CACYBP: variants seen among roughly 807,000 people sequenced by gnomAD.
CACYBP encodes the protein calcyclin binding protein.
Under a neutral mutation model 29.6 loss-of-function variants are expected in CACYBP, and 11 were observed. The observed-to-expected ratio is 0.37, with a 90% CI of 0.23 to 0.61. The LOEUF is 0.61. Among genes scored for constraint, CACYBP ranks in the 20% least tolerant of loss-of-function variants. CACYBP has a pLI of 0.65. For synonymous variants in CACYBP, 73 were observed against 88.3 expected, an observed-to-expected ratio of 0.83 and a Z score of 0.97; for missense variants, 163 against 260.7, an observed-to-expected ratio of 0.63 and a Z score of 2.58.
chr1:175,004,744 A>G lies in CACYBP; in HGVS notation c.146A>G (p.Gln49Arg), dbSNP rs777086088. 10 of 1,613,834 alleles carry G rather than the reference A, an allele frequency of 6.2e-6. No individual in the cohort carries two copies. In the African/African-American group the frequency reaches 6.7e-5, roughly 11 times the overall value. ...AAGAACAAGATGCAACAGAAATCAC[A>G]GAAGAAAGCAGAACTTCTTGATAAT... Reference protein sequence around the residue: ...EIKNKMQQKSQKKAELLDNEK... With the variant: ...EIKNKMQQKSRKKAELLDNEK... Residue 49 changes from glutamine (Q) to arginine (R), a missense_variant, in exon 2 of 6, where the codon CAG becomes CGG. By Grantham distance (43) the Gln-to-Arg change is conservative. Transcript: ENST00000367679.
At chr1:175,008,444 C>T (rs1208055536) in intron 4 of CACYBP, among the ~76,000 whole-genome samples, 165 bp from the exon 5 acceptor site, 1 of 152,104 alleles carries the variant, frequency 6.6e-6, no homozygotes, top group Non-Finnish European at 1.5e-5. Flanking sequence ...TCTTTTCACA[C>T]CATGAATGTT....
intron 4 of CACYBP, among the ~76,000 whole-genome samples, 177 bp from the exon 5 acceptor site, chr1:175,008,428 TTATG>T (rs1672669711): frequency 1.3e-5 from 2 of 152,212 alleles, no homozygotes; most frequent in Admixed American, 1.3e-4. Context: ...TTTTACTTAT[TTATG>T]GTCTTTTCAC....
At chr1:175,008,947 C>CT (rs1260846580) in intron 5 of CACYBP, 4 of 395,678 alleles carry the variant, frequency 1.0e-5, no homozygotes, top group African/African-American at 2.0e-5. Context: ...CCCAGATACT[C>CT]TGTTTCGGTA....
rs545277968 is a variant in CACYBP, at chr1:175,009,421, G to A, written c.531-502G>A. ...AGCACTTTGGGAGGCTGAGGCGGGCGGATCACCTGAGGTCAGGAGTTTGAG... is the reference window on the plus strand; with the variant it reads ...AGCACTTTGGGAGGCTGAGGCGGGCAGATCACCTGAGGTCAGGAGTTTGAG... On this transcript the variant is annotated intron_variant, in intron 5 of 5. Transcript: ENST00000367679. Among the ~76,000 whole-genome samples the A allele has an allele frequency of 1.1e-4, 17 of 151,972 alleles. No individual in the cohort carries two copies. The South Asian group carries it at 1.5e-3, about 13-fold the overall frequency.
chr1:175,002,998 T>G lies in CACYBP; in HGVS notation c.16-1616T>G, dbSNP rs187193269. On this transcript the variant is annotated intron_variant, in intron 1 of 5. Transcript: ENST00000367679. Reference sequence around the variant, plus strand: ...GAAACCATTACAATAAAAATATTACTTTGAACTGAAACATTTTGGTTCTAT... The same window carrying G: ...GAAACCATTACAATAAAAATATTACGTTGAACTGAAACATTTTGGTTCTAT... 5.3e-3 allele frequency among the ~76,000 whole-genome samples: 773 copies of G among 146,110 alleles called. 10 individuals carry two copies. Among genetic ancestry groups the G allele is most frequent in the Admixed American group, 0.012 (180 of 14,926 alleles).
Position 175,011,800 on chromosome 1 carries a change from A to G in CACYBP, c.*1721A>G, listed in dbSNP as rs559443276. 2.0e-5 allele frequency: 3 copies of G among 152,298 alleles called. No homozygotes were observed. Among genetic ancestry groups the G allele is most frequent in the African/African-American group, 7.2e-5 (3 of 41,570 alleles). The allele number at this position is 152,298 out of a possible 1,614,324, so 9.4% of individuals were successfully genotyped here. A position where few individuals can be genotyped will look rare whatever the true frequency, so the allele number is the denominator to read the frequency against. ...TATGGGAATGGAATGCAAAAGTTAAACTTTGGTTAACAAGAATATTTGGGC... is the reference window on the plus strand; with the variant it reads ...TATGGGAATGGAATGCAAAAGTTAAGCTTTGGTTAACAAGAATATTTGGGC... On this transcript the variant is annotated 3_prime_UTR_variant, in exon 6 of 6. Coordinates refer to ENST00000367679, the MANE Select transcript of CACYBP (RefSeq NM_014412.3).
chr1:175,008,098 C>T (rs1400611033), intron 4 of CACYBP, among the ~76,000 whole-genome samples: 2 of 152,008 alleles, frequency 1.3e-5, no homozygotes, highest in South Asian at 2.1e-4. Flanking sequence ...TGTACATTGC[C>T]CTTCTTTCTC....
rs535813233 is a variant in CACYBP, at chr1:175,011,106, T to TAAAAAA, written c.*1043_*1048dup. 6 of 85,232 alleles carry TAAAAAA rather than the reference T, an allele frequency of 7.0e-5. No homozygotes were observed. Among genetic ancestry groups the TAAAAAA allele is most frequent in the African/African-American group, 2.4e-4 (5 of 21,258 alleles). 5.3% of individuals were successfully genotyped at this position (85,232 alleles called of 1,614,324 possible). A position where few individuals can be genotyped will look rare whatever the true frequency, so the allele number is the denominator to read the frequency against. On this transcript the variant is annotated 3_prime_UTR_variant, in exon 6 of 6. Transcript: ENST00000367679. ...GTAACAGATTGAGAACCTGTCTCAT[T>TAAAAAA]AAAAAAAAAAAAAAAAAAAAAGCCG...
upstream of CACYBP, chr1:174,999,651 G>A (rs1163473377): frequency 2.2e-5 from 5 of 228,572 alleles, no homozygotes; most frequent in African/African-American, 9.6e-5. Context: ...GAAAGCAGGT[G>A]ACTCTCTAGT....
At chr1:175,000,285 C>T in intron 1 of CACYBP, 90 bp downstream of exon 1, 1 of 1,529,102 alleles carries the variant, frequency 6.5e-7, no homozygotes. Context: ...TGGGCTGAGC[C>T]GCCCTGCGGC....
At chr1:174,999,921 G>A, upstream of CACYBP, 1 of 551,446 alleles carries the variant, frequency 1.8e-6, no homozygotes, top group Non-Finnish European at 3.2e-6. Flanking sequence ...TCGGCGAGGC[G>A]AGGAAGGGTG....
intron 2 of CACYBP, 95 bp downstream of exon 2, chr1:175,004,928 G>A: frequency 1.2e-6 from 1 of 856,616 alleles, no homozygotes; most frequent in South Asian, 1.4e-5. Flanking sequence ...TTGAGTCTGT[G>A]TTTTTGGTGG....
intron 5 of CACYBP, 63 bp from the exon 6 acceptor site, chr1:175,009,860 C>A: frequency 7.4e-7 from 1 of 1,346,668 alleles, no homozygotes; most frequent in Non-Finnish European, 1.0e-6. Flanking sequence ...TGTTAACAAC[C>A]TGAATGATAG....
At position 175,007,206 on chromosome 1, in the gene CACYBP, GCTT is replaced by G; in HGVS notation, c.432+10_432+12del. ...AAGGCAGTTCAAAAAAAGTGAGTGT[GCTT>G]TTTTTGATTGTAATATTGTGAAACC... On this transcript the variant is annotated intron_variant, in intron 4 of 5. Coordinates refer to ENST00000367679, the MANE Select transcript of CACYBP (RefSeq NM_014412.3). 1 of 1,537,386 alleles carries G rather than the reference GCTT, an allele frequency of 6.5e-7. No individual in the cohort carries two copies. Among genetic ancestry groups the G allele is most frequent in the Non-Finnish European group, 9.0e-7 (1 of 1,112,954 alleles).
intron 1 of CACYBP, chr1:175,000,466 C>T (rs944835677): frequency 3.7e-6 from 5 of 1,359,368 alleles, no homozygotes; most frequent in African/African-American, 3.1e-5. Flanking sequence ...GGGAGTGGGT[C>T]TGGGAGAGCG....
chr1:175,006,967 G>A lies in CACYBP; in HGVS notation c.332+126G>A, dbSNP rs888935260. ...ATTAATTATCCTTTACAACTACTTT[G>A]AAGAGGTGAGCGTTAACTGGCCAAA... On this transcript the variant is annotated intron_variant, in intron 3 of 5. Coordinates refer to ENST00000367679, the MANE Select transcript of CACYBP (RefSeq NM_014412.3). 9.6e-6 allele frequency: 8 copies of A among 833,544 alleles called. No homozygotes were observed. In the African/African-American group the frequency reaches 1.4e-4, roughly 14 times the overall value. The allele number at this position is 833,544 out of a possible 1,614,324, so 51.6% of individuals were successfully genotyped here. A position where few individuals can be genotyped will look rare whatever the true frequency, so the allele number is the denominator to read the frequency against.
chr1:175,000,179 C>A lies in CACYBP; in HGVS notation c.-2C>A. 1 of 1,608,344 alleles carries A rather than the reference C, an allele frequency of 6.2e-7. No individual in the cohort carries two copies. ...TCGGGACTTCGGCCTGACCCAGCCC[C>A]CATGGCTTCAGAAGAGGTAAGTGGT... is the stretch of plus-strand genomic sequence containing the variant. On this transcript the variant is annotated 5_prime_UTR_variant, in exon 1 of 6. Coordinates refer to ENST00000367679, the MANE Select transcript of CACYBP (RefSeq NM_014412.3).
At chr1:175,004,881 C>T (rs747995440) in intron 2 of CACYBP, 48 bp downstream of exon 2, 20 of 1,181,146 alleles carry the variant, frequency 1.7e-5, no homozygotes, top group South Asian at 1.1e-4. Flanking sequence ...GCAACCTATT[C>T]CTCATAGTGG....
In CACYBP at chr1:175,009,906, A is replaced by G; in HGVS notation, c.531-17A>G. The stretch of plus-strand genomic sequence containing the variant: ...TGCTTTCGTTTCCCCATTGTTGTAT[A>G]TGTTTTCTTTTTAAAGGAAGCCCTC... On this transcript the variant is annotated splice_polypyrimidine_tract_variant and intron_variant, in intron 5 of 5. Coordinates refer to ENST00000367679, the MANE Select transcript of CACYBP (RefSeq NM_014412.3). 1 of 1,597,284 alleles carries G rather than the reference A, an allele frequency of 6.3e-7. No homozygotes were observed. Among genetic ancestry groups the G allele is most frequent in the Non-Finnish European group, 8.5e-7 (1 of 1,171,946 alleles).
Sources: allele counts gnomAD v4.1 joint callset (sites outside exome capture counted in the v4.1 genomes callset), GRCh38; gene constraint gnomAD v4.1.1; transcripts MANE v1.5; gene names NCBI Gene and HGNC (gene_info 2026-07-23, HGNC 2026-07-21).